The following STT3B variants were observed in gnomAD, a reference collection of about 807,000 sequenced individuals.
The protein encoded by STT3B is STT3 oligosaccharyltransferase complex catalytic subunit B.
In STT3B, 29 loss-of-function variants were observed where a neutral mutation model predicts 96.8. That is an observed-to-expected ratio of 0.30 (90% CI 0.22 to 0.41). STT3B has a LOEUF of 0.41. STT3B is among the 10% of genes least tolerant of loss of function. The pLI is 1.00. For missense variants in STT3B, 640 were observed against 1,022.3 expected (o/e 0.63, Z 5.10); for synonymous variants, 367 against 360.0 (o/e 1.02, Z -0.22).
At chr3:31,601,726 AC>A (rs1341974319) in intron 5 of STT3B, among the ~76,000 whole-genome samples, 3 of 151,478 alleles carry the variant, frequency 2.0e-5, no homozygotes, top group African/African-American at 4.8e-5. Flanking sequence ...TACACCAAAA[AC>A]CATTACATGA....
At chr3:31,604,083 T>C (rs983216419) in intron 5 of STT3B, among the ~76,000 whole-genome samples, 3 of 152,282 alleles carry the variant, frequency 2.0e-5, no homozygotes, top group Middle Eastern at 3.4e-3. Context: ...TGAATGCTTT[T>C]GAAATGTCAC....
At chr3:31,617,186 CTTTT>C (rs5847707) in intron 7 of STT3B, 111 bp downstream of exon 7, 7 of 495,342 alleles carry the variant, frequency 1.4e-5, no homozygotes, top group Non-Finnish European at 1.6e-5. Flanking sequence ...TGATTTTTTT[CTTTT>C]TTTTTTTTTT....
chr3:31,632,795 A>G, intron 14 of STT3B, 140 bp from the exon 15 acceptor site: 1 of 695,880 alleles, frequency 1.4e-6, no homozygotes, highest in Non-Finnish European at 2.4e-6. Flanking sequence ...ATACATGAGA[A>G]CTATTAAGGT....
At chr3:31,574,186 G>T (rs1293398834) in intron 1 of STT3B, among the ~76,000 whole-genome samples, 1 of 152,038 alleles carries the variant, frequency 6.6e-6, no homozygotes, top group Non-Finnish European at 1.5e-5. Flanking sequence ...AATATTTCCA[G>T]AAGTTTCGGG....
At chr3:31,599,905 A>T (rs943302198) in intron 4 of STT3B, among the ~76,000 whole-genome samples, 1 of 152,102 alleles carries the variant, frequency 6.6e-6, no homozygotes, top group Non-Finnish European at 1.5e-5. Context: ...ATGTCATCTG[A>T]ATTTTTTTTA....
chr3:31,618,359 G>A (rs185280041), intron 8 of STT3B, among the ~76,000 whole-genome samples: 231 of 151,682 alleles, frequency 1.5e-3, no homozygotes, highest in South Asian at 2.3e-3. Context: ...AATTGCCATA[G>A]ATAGGAAGAA....
intron 1 of STT3B, among the ~76,000 whole-genome samples, chr3:31,565,052 T>TC (rs1337638472): frequency 2.0e-5 from 3 of 152,358 alleles, no homozygotes; most frequent in Admixed American, 6.5e-5. Flanking sequence ...CTGCCTGTCT[T>TC]CTTTCCTTCC....
At chr3:31,577,486 C>T (rs1698289166) in intron 2 of STT3B, among the ~76,000 whole-genome samples, 2 of 152,048 alleles carry the variant, frequency 1.3e-5, no homozygotes, top group African/African-American at 4.8e-5. Context: ...GGGGATTACC[C>T]AGTTATGTTT....
At chr3:31,554,645 T>A (rs900117845) in intron 1 of STT3B, among the ~76,000 whole-genome samples, 15 of 152,150 alleles carry the variant, frequency 9.9e-5, no homozygotes, top group Non-Finnish European at 1.6e-4. Flanking sequence ...AGTAGATGGC[T>A]TTTTATTGTG....
At chr3:31,588,534 A>G (rs576909674) in intron 3 of STT3B, among the ~76,000 whole-genome samples, 1 of 152,164 alleles carries the variant, frequency 6.6e-6, no homozygotes, top group African/African-American at 2.4e-5. Flanking sequence ...GAAGAAAGCC[A>G]TTTGTAAATT....
chr3:31,541,722 G>A (rs1359921183), intron 1 of STT3B, among the ~76,000 whole-genome samples: 2 of 152,004 alleles, frequency 1.3e-5, no homozygotes, highest in Admixed American at 6.6e-5. Flanking sequence ...GACTACAGGC[G>A]CCCGCGACCA....
intron 5 of STT3B, among the ~76,000 whole-genome samples, chr3:31,608,922 C>G (rs529478935): frequency 2.6e-4 from 39 of 152,258 alleles, no homozygotes; most frequent in African/African-American, 8.7e-4. Context: ...CGAGACCATC[C>G]TGGCCAACAT....
chr3:31,603,352 T>C (rs1698975703), intron 5 of STT3B, among the ~76,000 whole-genome samples: 1 of 151,962 alleles, frequency 6.6e-6, no homozygotes, highest in African/African-American at 2.4e-5. Flanking sequence ...TGTATAGTGG[T>C]AGAAGAGTGG....
intron 6 of STT3B, among the ~76,000 whole-genome samples, chr3:31,615,448 G>C (rs1341267216): frequency 6.6e-6 from 1 of 151,778 alleles, no homozygotes; most frequent in East Asian, 1.9e-4. Flanking sequence ...ATACTATATA[G>C]ATAGCAATAT....
In STT3B at chr3:31,622,223, G is replaced by C; in HGVS notation, c.1454G>C (p.Gly485Ala). 3 of 1,614,090 alleles carry C rather than the reference G, an allele frequency of 1.9e-6. No individual in the cohort carries two copies. The highest frequency in any genetic ancestry group is 2.5e-6 in the Non-Finnish European group (3 of 1,179,966). Residue 485 changes from glycine (G) to alanine (A), a missense_variant, in exon 10 of 16, where the codon GGG becomes GCG. Gly to Ala is a moderately conservative substitution (Grantham distance 60). Transcript: ENST00000295770. ...AFSNVFEHYL[G>A]DDMKRENPPV... ...TCAAATGTTTTTGAGCACTATTTGG[G>C]GGATGACATGAAAAGGGAAAATCCA...
intron 3 of STT3B, 145 bp downstream of exon 3, chr3:31,580,241 G>A (rs1271938465): frequency 2.7e-6 from 2 of 750,496 alleles, no homozygotes; most frequent in East Asian, 2.6e-5. Flanking sequence ...TTTAATAATG[G>A]ATAACATTTT....
intron 1 of STT3B, among the ~76,000 whole-genome samples, chr3:31,570,270 A>G (rs1388962327): frequency 6.6e-6 from 1 of 152,228 alleles, no homozygotes; most frequent in Admixed American, 6.5e-5. Context: ...ATTGAACCTC[A>G]TGAGTGAACT....
At position 31,596,969 on chromosome 3, in the gene STT3B, C is replaced by T. The variant is rs1484209826; in HGVS notation, c.777+106C>T. On this transcript the variant is annotated intron_variant, in intron 4 of 15. Transcript: ENST00000295770. The stretch of plus-strand genomic sequence containing the variant: ...GGATTTTTATTTTGTTTAATGTAAT[C>T]TTTCATTACTACCATCCTCTTTCCT... The T allele has an allele frequency of 3.4e-5, 28 of 814,510 alleles. No homozygotes were observed. The South Asian group carries it at 3.8e-4, about 11-fold the overall frequency. The allele number at this position is 814,510 out of a possible 1,614,324, so 50.5% of individuals were successfully genotyped here.
At position 31,538,371 on chromosome 3, in the gene STT3B, C is replaced by T. The variant is rs542046618; in HGVS notation, c.314+5059C>T. On this transcript the variant is annotated intron_variant, in intron 1 of 15. Transcript: ENST00000295770. ...GAAGTTAGGATCAGATTCCATCATTCCAGGTTTTGGTTAGCAACTTACCTG... is the reference window on the plus strand; with the variant it reads ...GAAGTTAGGATCAGATTCCATCATTTCAGGTTTTGGTTAGCAACTTACCTG... Among the ~76,000 whole-genome samples, 3 of 152,270 alleles carry T rather than the reference C, an allele frequency of 2.0e-5. No homozygotes were observed. In the South Asian group the frequency reaches 6.2e-4, roughly 32 times the overall value.
Sources: allele counts gnomAD v4.1 joint callset (sites outside exome capture counted in the v4.1 genomes callset), GRCh38; gene constraint gnomAD v4.1.1; transcripts MANE v1.5; gene names NCBI Gene and HGNC (gene_info 2026-07-23, HGNC 2026-07-21).